Variants in MROH6 observed in about 807,000 individuals in gnomAD.
The protein encoded by MROH6 is maestro heat like repeat family member 6.
MROH6 carries 62 observed loss-of-function variants against 67.7 expected under a neutral mutation model. That is an observed-to-expected ratio of 0.92 (90% CI 0.75 to 1.13). The LOEUF is 1.13. Among genes scored for constraint, MROH6 ranks in the 50% most tolerant of loss-of-function variants. The pLI, the probability that MROH6 is intolerant of heterozygous loss-of-function variation, is 0.00. For synonymous variants in MROH6, 566 were observed against 470.8 expected, an observed-to-expected ratio of 1.20 and a Z score of -2.62; for missense variants, 1,175 against 1,029.1, an observed-to-expected ratio of 1.14 and a Z score of -1.94.
At chr8:143,569,875 T>A in intron 7 of MROH6, 35 bp from the exon 8 acceptor site, 1 of 1,610,208 alleles carries the variant, frequency 6.2e-7, no homozygotes, top group South Asian at 1.1e-5. Context: ...ACGCCCGCGG[T>A]CCCCGTGCAG....
Position 143,570,320 on chromosome 8 carries a change from C to G in MROH6, c.966G>C (p.Thr322=), listed in dbSNP as rs368402084. The change falls in exon 6 of 14, where the codon ACG becomes ACC. Residue 322 remains threonine (T), a synonymous_variant. Coordinates refer to ENST00000398882, the MANE Select transcript of MROH6 (RefSeq NM_001100878.2). ...TCCAGCCTCCTGCCTGCTCCATGCA[C>G]GTGACCACCATGCGGCCTCCATCCC... ...LTGDGGRMVV[T]CMEQAGGWRR... The G allele has an allele frequency of 6.2e-7, 1 of 1,609,872 alleles. No individual in the cohort carries two copies. Among genetic ancestry groups the G allele is most frequent in the South Asian group, 1.1e-5 (1 of 90,992 alleles).
At position 143,570,069 on chromosome 8, in the gene MROH6, G is replaced by C. The variant is rs770625450; in HGVS notation, c.1044-4C>G. 6.2e-7 allele frequency: 1 copy of C among 1,608,172 alleles called. No individual in the cohort carries two copies. The highest frequency in any genetic ancestry group is 2.2e-5 in the East Asian group (1 of 44,834). On this transcript the variant is annotated splice_region_variant and splice_polypyrimidine_tract_variant and intron_variant, in intron 6 of 13. Coordinates refer to ENST00000398882, the MANE Select transcript of MROH6 (RefSeq NM_001100878.2). ...GTCGGCATGTGCCACCATAGCACTG[G>C]GGTGGGTGGAAATGGGAGCTCTCGC...
intron 4 of MROH6, 23 bp downstream of exon 4, chr8:143,570,853 CT>C (rs1481537604): frequency 2.3e-5 from 34 of 1,479,334 alleles, no homozygotes; most frequent in South Asian, 2.2e-4. Flanking sequence ...CCCCCACCCC[CT>C]GGTAATGGCT....
rs2130666968 is a variant in MROH6 at position 143,572,024 on chromosome 8, A to G, written c.447+9T>C. ...GATTCTGTAGGGCATGAAGTGGGTGAAGGCTGACCTGGTCCTCCAACCGCT... is the reference window on the plus strand; with the variant it reads ...GATTCTGTAGGGCATGAAGTGGGTGGAGGCTGACCTGGTCCTCCAACCGCT... On this transcript the variant is annotated intron_variant, in intron 2 of 13. Transcript: ENST00000398882. 1 of 1,608,902 alleles carries G rather than the reference A, an allele frequency of 6.2e-7. No individual in the cohort carries two copies. Among genetic ancestry groups the G allele is most frequent in the Non-Finnish European group, 8.5e-7 (1 of 1,177,868 alleles).
In MROH6 at chr8:143,567,111, G is replaced by A; in HGVS notation, c.*128C>T. 4.7e-6 allele frequency: 2 copies of A among 422,684 alleles called. No homozygotes were observed. Among genetic ancestry groups the A allele is most frequent in the Middle Eastern group, 6.7e-4 (1 of 1,486 alleles). 26.2% of individuals were successfully genotyped at this position (422,684 alleles called of 1,614,324 possible). On this transcript the variant is annotated 3_prime_UTR_variant, in exon 14 of 14. Coordinates refer to ENST00000398882, the MANE Select transcript of MROH6 (RefSeq NM_001100878.2). ...GTGCCTGAAGAGGGGTCACGGGGGT[G>A]GGGGGTGGGGGAGGGCATTGGCGTC...
intron 1 of MROH6, 117 bp from the exon 2 acceptor site, chr8:143,572,302 G>C (rs1824097579): frequency 5.3e-6 from 8 of 1,517,168 alleles, no homozygotes; most frequent in African/African-American, 1.4e-5. Context: ...TTGCTCACCA[G>C]CCTGTTTCAC....
rs1824122861 is a variant in MROH6 at position 143,572,580 on chromosome 8, G to C, written c.135C>G (p.Pro45=). Residue 45 remains proline, a synonymous_variant, in exon 1 of 14, where the codon CCC becomes CCG. Transcript: ENST00000398882. ...PQGPPSAGPQ[P]KSWEVKPEAE... The stretch of plus-strand genomic sequence containing the variant: ...CCTCAGGTTTGACCTCCCAGGACTT[G>C]GGCTGAGGGCCTGCGGAAGGGGGTC... 1.2e-6 allele frequency: 2 copies of C among 1,604,216 alleles called. No individual in the cohort carries two copies. The highest frequency in any genetic ancestry group is 8.5e-7 in the Non-Finnish European group (1 of 1,177,092).
At position 143,568,689 on chromosome 8, in the gene MROH6, C is replaced by G. The variant is rs146559587; in HGVS notation, c.1507G>C (p.Gly503Arg). The G allele has an allele frequency of 2.4e-3, 3,556 of 1,511,316 alleles. 163 individuals carry two copies. The Admixed American group carries it at 0.071, about 30-fold the overall frequency. 93.6% of individuals were successfully genotyped at this position (1,511,316 alleles called of 1,614,324 possible). ...CGGCGCACCAGAGTCCCAAGGAGCC[C>G]GACGGCCGAGGCGCGGATTGAGTCC... The part of the protein sequence containing the change: ...TRDSIRASAV[G>R]LLGTLVRRGR... Residue 503 changes from glycine to arginine, a missense_variant, in exon 10 of 14, where the codon GGG becomes CGG. Transcript: ENST00000398882.
intron 9 of MROH6, chr8:143,568,989 G>T: frequency 2.4e-6 from 1 of 422,616 alleles, no homozygotes; most frequent in Non-Finnish European, 4.0e-6. Flanking sequence ...GGGCGGAGCT[G>T]GGCGACAGCA....
Position 143,568,198 on chromosome 8 carries a change from C to G in MROH6, c.1708G>C (p.Val570Leu), listed in dbSNP as rs1417729393. The G allele has an allele frequency of 6.2e-7, 1 of 1,611,008 alleles. No individual in the cohort carries two copies. The highest frequency in any genetic ancestry group is 1.1e-5 in the South Asian group (1 of 90,618). Reference protein sequence around the residue: ...AFCWGLLEELVTVAHYDSPEA... With the variant: ...AFCWGLLEELLTVAHYDSPEA... ...GGGCTGTCATAGTGGGCCACGGTGA[C>G]CAACTCCTCCAGCAGGCCCCAGCAA... The change falls in exon 11 of 14, where the codon GTC becomes CTC. Residue 570 changes from valine to leucine, a missense_variant. Val to Leu is a conservative substitution (Grantham distance 32). Coordinates refer to ENST00000398882, the MANE Select transcript of MROH6 (RefSeq NM_001100878.2).
Position 143,568,227 on chromosome 8 carries a change from G to A in MROH6, c.1679C>T (p.Ala560Val), listed in dbSNP as rs1240930178. 6.2e-7 allele frequency: 1 copy of A among 1,611,086 alleles called. No individual in the cohort carries two copies. Among genetic ancestry groups the A allele is most frequent in the Admixed American group, 1.7e-5 (1 of 59,828 alleles). The change falls in exon 11 of 14, where the codon GCC (alanine) becomes GTC (valine). Residue 560 changes from alanine to valine, a missense_variant. Ala to Val is a moderately conservative substitution (Grantham distance 64, BLOSUM62 0). Coordinates refer to ENST00000398882, the MANE Select transcript of MROH6 (RefSeq NM_001100878.2). ...SEWTLARCDH[A>V]FCWGLLEELV... ...CTCCTCCAGCAGGCCCCAGCAAAAGGCGTGGTCACAGCGGGCCAGGGTCCA... is the reference window on the plus strand; with the variant it reads ...CTCCTCCAGCAGGCCCCAGCAAAAGACGTGGTCACAGCGGGCCAGGGTCCA...
At chr8:143,568,054 G>A (rs1037473787) in intron 11 of MROH6, 88 bp downstream of exon 11, 7 of 1,510,192 alleles carry the variant, frequency 4.6e-6, no homozygotes, top group Admixed American at 2.0e-5. Flanking sequence ...TTTGGCTGCA[G>A]TAGAAACGGT....
chr8:143,570,194 G>A (rs1392417869), intron 6 of MROH6, 49 bp downstream of exon 6: 11 of 1,557,870 alleles, frequency 7.1e-6, no homozygotes, highest in Middle Eastern at 1.7e-4. Flanking sequence ...GGCCAGCAAC[G>A]ACTCTCTTCC....
chr8:143,567,305 G>T lies in MROH6; in HGVS notation c.2094C>A (p.Ala698=). Residue 698 remains alanine (A), a synonymous_variant, in exon 14 of 14, where the codon GCC becomes GCA. Coordinates refer to ENST00000398882, the MANE Select transcript of MROH6 (RefSeq NM_001100878.2). The part of the protein sequence containing the change: ...PRPARPPPVF[A]DSPFQRRSVA... ...CGCTCCGGCGCTGGAAGGGGCTGTC[G>T]GCGAAGACTGGTGGGGGCCGGGCGG... is the stretch of plus-strand genomic sequence containing the variant. 2 of 1,221,266 alleles carry T rather than the reference G, an allele frequency of 1.6e-6. No homozygotes were observed. The highest frequency in any genetic ancestry group is 2.0e-6 in the Non-Finnish European group (2 of 981,138). The allele number at this position is 1,221,266 out of a possible 1,614,324, so 75.7% of individuals were successfully genotyped here.
rs187831058 is a variant in MROH6 at position 143,569,711 on chromosome 8, G to T, written c.1288C>A (p.Leu430Met). Residue 430 changes from leucine to methionine, a missense_variant, in exon 8 of 14, where the codon CTG (leucine) becomes ATG (methionine). Transcript: ENST00000398882. ...TTCTCTCACACCTTCCTGCGATTCA[G>T]CGCGAGGTGGCCCAGGCCCAGCAGG... Reference protein sequence around the residue: ...LGLLGLGHLALNRRKVRHVST... With the variant: ...LGLLGLGHLAMNRRKVRHVST... 5,037 of 1,612,950 alleles carry T rather than the reference G, an allele frequency of 3.1e-3. 118 individuals are homozygous for T. The highest frequency in any genetic ancestry group is 3.6e-3 in the Middle Eastern group (22 of 6,056).
intron 10 of MROH6, 46 bp downstream of exon 10, chr8:143,568,506 G>A: frequency 6.8e-7 from 1 of 1,480,122 alleles, no homozygotes; most frequent in Non-Finnish European, 9.0e-7. Context: ...TGGGAGTGGT[G>A]AGTGTTGGAT....
chr8:143,568,542 G>A lies in MROH6; in HGVS notation c.1644+10C>T, dbSNP rs1218474697. 4 of 1,519,094 alleles carry A rather than the reference G, an allele frequency of 2.6e-6. No individual in the cohort carries two copies. Among genetic ancestry groups the A allele is most frequent in the East Asian group, 4.8e-5 (2 of 41,986 alleles). 94.1% of individuals were successfully genotyped at this position (1,519,094 alleles called of 1,614,324 possible). On this transcript the variant is annotated intron_variant, in intron 10 of 13. Transcript: ENST00000398882. ...GGCATAGGGGTGGGATGGTGTCGGGGGCTGCTGACCTCAGCAGCGTCCCTG... is the reference window on the plus strand; with the variant it reads ...GGCATAGGGGTGGGATGGTGTCGGGAGCTGCTGACCTCAGCAGCGTCCCTG...
At chr8:143,570,156 C>A in intron 6 of MROH6, 87 bp downstream of exon 6, 2 of 1,564,194 alleles carry the variant, frequency 1.3e-6, no homozygotes, top group Admixed American at 3.5e-5. Flanking sequence ...ATGCCCCTGC[C>A]TTTTCCCTGT....
chr8:143,571,524 A>T (rs1174598355), intron 3 of MROH6, 143 bp downstream of exon 3: 3 of 1,093,870 alleles, frequency 2.7e-6, no homozygotes, highest in Non-Finnish European at 3.9e-6. Flanking sequence ...GCGGGAATGG[A>T]TACGGGGCAT....
Sources: allele counts gnomAD v4.1 joint callset, GRCh38; gene constraint gnomAD v4.1.1; transcripts MANE v1.5; gene names NCBI Gene and HGNC (gene_info 2026-07-23, HGNC 2026-07-21).